Variants in NALF1 observed in about 807,000 individuals in gnomAD.
The protein encoded by NALF1 is family with sequence similarity 155 member A.
In NALF1, 3 loss-of-function variants were observed where a neutral mutation model predicts 48.4. The observed-to-expected ratio is 0.06, with a 90% CI of 0.03 to 0.16. NALF1 has a LOEUF of 0.16. Among genes scored for constraint, NALF1 ranks in the 10% least tolerant of loss-of-function variants. The pLI, the probability that NALF1 is intolerant of heterozygous loss-of-function variation, is 1.00. For synonymous variants in NALF1, 262 were observed against 245.7 expected, an observed-to-expected ratio of 1.07 and a Z score of -0.62; for missense variants, 526 against 571.5, an observed-to-expected ratio of 0.92 and a Z score of 0.81.
intron 1 of NALF1, among the ~76,000 whole-genome samples, chr13:107,495,837 G>A (rs1360129051): frequency 6.6e-6 from 1 of 152,078 alleles, no homozygotes; most frequent in East Asian, 1.9e-4. Context: ...GATGTTCATT[G>A]AGGATAAGAA....
chr13:107,822,914 C>T (rs1879399398), intron 1 of NALF1, among the ~76,000 whole-genome samples: 1 of 152,110 alleles, frequency 6.6e-6, no homozygotes, highest in Non-Finnish European at 1.5e-5. Flanking sequence ...AGTATTAATT[C>T]ATTTTTCTGA....
chr13:107,540,120 C>G (rs1169915764), intron 1 of NALF1, among the ~76,000 whole-genome samples: 1 of 151,496 alleles, frequency 6.6e-6, no homozygotes, highest in Admixed American at 6.6e-5. Context: ...AGGCAATTCC[C>G]ATCAGAAAAA....
intron 1 of NALF1, among the ~76,000 whole-genome samples, chr13:107,352,032 C>CA (rs1226473531): frequency 6.6e-6 from 1 of 152,198 alleles, no homozygotes; most frequent in Non-Finnish European, 1.5e-5. Flanking sequence ...TCATAGTGAG[C>CA]AAACATACAT....
chr13:107,449,741 G>T (rs77938114), intron 1 of NALF1, among the ~76,000 whole-genome samples: 238 of 152,208 alleles, frequency 1.6e-3, no homozygotes, highest in African/African-American at 5.7e-3. Flanking sequence ...ATTTTCGCAC[G>T]GCACTTAGTA....
chr13:107,271,106 G>T (rs976575624), intron 1 of NALF1, among the ~76,000 whole-genome samples: 1 of 152,134 alleles, frequency 6.6e-6, no homozygotes, highest in Non-Finnish European at 1.5e-5. Flanking sequence ...TTGGTAGTTT[G>T]TAGTAGACAG....
chr13:107,581,742 C>T (rs1216546645), intron 1 of NALF1, among the ~76,000 whole-genome samples: 1 of 152,174 alleles, frequency 6.6e-6, no homozygotes, highest in African/African-American at 2.4e-5. Context: ...TTACAACTAG[C>T]AAATTGCATC....
At chr13:107,706,757 A>G (rs1165068491) in intron 1 of NALF1, among the ~76,000 whole-genome samples, 1 of 152,220 alleles carries the variant, frequency 6.6e-6, no homozygotes, top group Non-Finnish European at 1.5e-5. Flanking sequence ...TACTGATTCA[A>G]TTCTTCAACT....
At chr13:107,430,944 C>T (rs1356797807) in intron 1 of NALF1, among the ~76,000 whole-genome samples, 2 of 152,330 alleles carry the variant, frequency 1.3e-5, no homozygotes, top group Admixed American at 6.5e-5. Context: ...TATTTCTCCA[C>T]ATCCTCTCCA....
chr13:107,713,463 A>G (rs1168930441), intron 1 of NALF1, among the ~76,000 whole-genome samples: 1 of 152,228 alleles, frequency 6.6e-6, no homozygotes, highest in African/African-American at 2.4e-5. Context: ...CCTTACATGA[A>G]TGATTTCCTA....
At chr13:107,270,558 T>C (rs1205688076) in intron 1 of NALF1, among the ~76,000 whole-genome samples, 2 of 152,014 alleles carry the variant, frequency 1.3e-5, no homozygotes, top group African/African-American at 4.8e-5. Context: ...AGTATAACTT[T>C]AAATATAAAA....
At chr13:107,297,289 T>C (rs896981359) in intron 1 of NALF1, among the ~76,000 whole-genome samples, 4 of 152,322 alleles carry the variant, frequency 2.6e-5, no homozygotes, top group East Asian at 1.9e-4. Flanking sequence ...ACAAAATGAA[T>C]GTTTGCTAGA....
chr13:107,532,813 A>G (rs1339948605), intron 1 of NALF1, among the ~76,000 whole-genome samples: 2 of 74,370 alleles, frequency 2.7e-5, no homozygotes, highest in African/African-American at 6.3e-5. Flanking sequence ...TTTAGAGATT[A>G]TTCAGGAATA....
At chr13:107,338,780 T>C (rs888890775) in intron 1 of NALF1, among the ~76,000 whole-genome samples, 9 of 152,306 alleles carry the variant, frequency 5.9e-5, no homozygotes, top group Admixed American at 5.2e-4. Flanking sequence ...TATGTAATGT[T>C]GGACCTGTTT....
chr13:107,262,240 C>A (rs909365364), intron 1 of NALF1, among the ~76,000 whole-genome samples: 1 of 152,012 alleles, frequency 6.6e-6, no homozygotes, highest in South Asian at 2.1e-4. Flanking sequence ...CATAGTGAAA[C>A]CCCATCTTTA....
At position 107,486,558 on chromosome 13, in the gene NALF1, G is replaced by A. The variant is rs561065375; in HGVS notation, c.916-275803C>T. On this transcript the variant is annotated intron_variant, in intron 1 of 2. Transcript: ENST00000375915. ...ACAGAGATGCTAGACGCCCTCTTAC[G>A]TTAGTGCTGTGTCCTGGGCTGCAGT... Among the ~76,000 whole-genome samples the A allele has an allele frequency of 1.3e-4, 20 of 152,248 alleles. No homozygotes were observed. In the South Asian group the frequency reaches 3.7e-3, roughly 28 times the overall value.
intron 1 of NALF1, among the ~76,000 whole-genome samples, chr13:107,377,971 T>G (rs893976604): frequency 3.3e-5 from 5 of 150,638 alleles, no homozygotes; most frequent in Non-Finnish European, 7.4e-5. Flanking sequence ...TCCTTTGTTT[T>G]CCTCCCAGTT....
At chr13:107,716,721 GGT>G (rs1273333192) in intron 1 of NALF1, among the ~76,000 whole-genome samples, 1 of 152,116 alleles carries the variant, frequency 6.6e-6, no homozygotes, top group East Asian at 1.9e-4. Flanking sequence ...TGCCTGATAA[GGT>G]TATCACACAG....
chr13:107,646,749 T>C (rs1397023405), intron 1 of NALF1, among the ~76,000 whole-genome samples: 1 of 152,136 alleles, frequency 6.6e-6, no homozygotes, highest in Non-Finnish European at 1.5e-5. Context: ...AATATAAATC[T>C]TTTTACATTG....
At chr13:107,749,113 C>A (rs1315368785) in intron 1 of NALF1, among the ~76,000 whole-genome samples, 5 of 138,424 alleles carry the variant, frequency 3.6e-5, no homozygotes, top group Admixed American at 7.5e-5. Context: ...ATGACTCAGA[C>A]TATAATGTCT....
Sources: gnomAD v4.1 joint callset for allele counts (sites outside exome capture counted in the v4.1 genomes callset) on GRCh38, gnomAD v4.1.1 for gene constraint, MANE v1.5 for transcripts, NCBI Gene and HGNC (gene_info 2026-07-23, HGNC 2026-07-21) for gene names.